The following LPIN1 variants were observed in gnomAD, a reference collection of about 807,000 sequenced individuals.
The protein encoded by LPIN1 is lipin 1.
LPIN1 carries 71 observed loss-of-function variants against 107.5 expected under a neutral mutation model. The observed-to-expected ratio is 0.66, with a 90% CI of 0.55 to 0.80. The LOEUF is 0.80. Ranked by LOEUF, LPIN1 falls within the 30% of genes least tolerant of loss-of-function variation. The pLI, the probability that LPIN1 is intolerant of heterozygous loss-of-function variation, is 0.00. For synonymous variants in LPIN1, 445 were observed against 452.6 expected (o/e 0.98, Z 0.21); for missense variants, 1,043 against 1,160.6 (o/e 0.90, Z 1.47).
At chr2:11,782,596 A>G in intron 8 of LPIN1, 89 bp downstream of exon 8, 11 of 1,453,396 alleles carry the variant, frequency 7.6e-6, no homozygotes, top group Non-Finnish European at 1.1e-5. Flanking sequence ...GTTCCAAGGA[A>G]ACTGAGGTAG....
chr2:11,784,769 GAT>G (rs1310137820), intron 9 of LPIN1, 115 bp from the exon 10 acceptor site: 7 of 904,940 alleles, frequency 7.7e-6, no homozygotes, highest in Non-Finnish European at 1.3e-5. Flanking sequence ...TCTGTGCTGA[GAT>G]GCAGCCGTCT....
In LPIN1 at chr2:11,680,277, G is replaced by A. The variant is rs184988282; in HGVS notation, c.81+2549G>A. Among the ~76,000 whole-genome samples the A allele has an allele frequency of 2.6e-3, 402 of 152,266 alleles. 10 individuals carry two copies. Among genetic ancestry groups the A allele is most frequent in the Non-Finnish European group, 8.4e-4 (57 of 68,012 alleles). On this transcript the variant is annotated intron_variant, in intron 1 of 21. Transcript: ENST00000449576. ...TGGGGCTGGAAAATGGCAGCTGGCA[G>A]CAGCGTGAGCCCTCGGAGGCACCTG...
At chr2:11,754,150 G>A (rs1429067359) in intron 1 of LPIN1, among the ~76,000 whole-genome samples, 1 of 152,180 alleles carries the variant, frequency 6.6e-6, no homozygotes, top group East Asian at 1.9e-4. Flanking sequence ...ATGATCCGTT[G>A]GCCCCACGAG....
chr2:11,791,103 T>C (rs1388626305), intron 12 of LPIN1, among the ~76,000 whole-genome samples: 1 of 152,202 alleles, frequency 6.6e-6, no homozygotes, highest in African/African-American at 2.4e-5. Context: ...TTTAGTGCAG[T>C]TGGGTTTTCT....
chr2:11,801,023 T>A (rs371644704), intron 14 of LPIN1, among the ~76,000 whole-genome samples: 39 of 152,288 alleles, frequency 2.6e-4, no homozygotes, highest in South Asian at 1.5e-3. Context: ...ACATCACTAA[T>A]CAGGAAAGTG....
intron 1 of LPIN1, among the ~76,000 whole-genome samples, chr2:11,686,303 C>T (rs920542034): frequency 5.3e-5 from 8 of 152,104 alleles, no homozygotes; most frequent in Admixed American, 2.0e-4. Context: ...CTGGGCTGTC[C>T]CTTTGAGAAA....
intron 6 of LPIN1, chr2:11,777,467 G>A (rs1348645370): frequency 6.6e-6 from 1 of 152,236 alleles, no homozygotes; most frequent in Non-Finnish European, 1.5e-5. Flanking sequence ...GAACTCTGGA[G>A]TTGGGAATTG....
intron 14 of LPIN1, among the ~76,000 whole-genome samples, chr2:11,802,068 T>C (rs1677846817): frequency 6.6e-6 from 1 of 152,174 alleles, no homozygotes; most frequent in Non-Finnish European, 1.5e-5. Flanking sequence ...TGGGGGCCAC[T>C]CAGCCTTTTC....
chr2:11,788,242 G>A (rs887738487), intron 11 of LPIN1, 145 bp from the exon 12 acceptor site: 1 of 663,394 alleles, frequency 1.5e-6, no homozygotes, highest in Non-Finnish European at 2.8e-6. Flanking sequence ...GTGATATGGA[G>A]GAGGGCTGGG....
chr2:11,763,987 G>GTA (rs1162699730), intron 1 of LPIN1, among the ~76,000 whole-genome samples: 3,773 of 132,838 alleles, frequency 0.028, 125 homozygotes, highest in African/African-American at 0.093. Context: ...GTGTGTGTGT[G>GTA]TATATATATA....
At chr2:11,702,175 C>T (rs1033793302) in intron 1 of LPIN1, among the ~76,000 whole-genome samples, 10 of 152,062 alleles carry the variant, frequency 6.6e-5, no homozygotes, top group African/African-American at 1.7e-4. Flanking sequence ...GGGTTGGTCA[C>T]GAGGCAGAGA....
intron 6 of LPIN1, among the ~76,000 whole-genome samples, chr2:11,776,789 T>G (rs1427551352): frequency 6.6e-6 from 1 of 152,226 alleles, no homozygotes; most frequent in Admixed American, 6.5e-5. Context: ...GATTTCTGCC[T>G]TCATTCCCTC....
At chr2:11,806,017 C>T (rs1482779800) in intron 17 of LPIN1, among the ~76,000 whole-genome samples, 9 of 152,192 alleles carry the variant, frequency 5.9e-5, no homozygotes, top group Non-Finnish European at 1.2e-4. Flanking sequence ...CCACAGCATT[C>T]TGTTCTCCAG....
chr2:11,795,610 G>C, intron 14 of LPIN1, 123 bp downstream of exon 14: 1 of 919,072 alleles, frequency 1.1e-6, no homozygotes, highest in Non-Finnish European at 1.8e-6. Flanking sequence ...TGATTCACTT[G>C]GTGACCTGGA....
In LPIN1 at chr2:11,824,876, A is replaced by C; in HGVS notation, c.*85A>C. On this transcript the variant is annotated 3_prime_UTR_variant, in exon 21 of 21. Transcript: ENST00000674199. Reference sequence around the variant, plus strand: ...AGGTCTCCCCGGAGTGCACAGCTCCACCTGGGAGCCTGGCGCGTCATCATT... The same window carrying C: ...AGGTCTCCCCGGAGTGCACAGCTCCCCCTGGGAGCCTGGCGCGTCATCATT... The C allele has an allele frequency of 6.7e-7, 1 of 1,488,168 alleles. No homozygotes were observed. 92.2% of individuals were successfully genotyped at this position (1,488,168 alleles called of 1,614,324 possible).
intron 2 of LPIN1, among the ~76,000 whole-genome samples, chr2:11,715,384 G>C (rs1333886752): frequency 1.3e-5 from 2 of 152,194 alleles, no homozygotes; most frequent in Non-Finnish European, 2.9e-5. Flanking sequence ...CAGGACGGGA[G>C]GCGCCAAGCA....
Position 11,774,058 on chromosome 2 carries a change from A to G in LPIN1, c.722+313A>G, listed in dbSNP as rs1672292487. On this transcript the variant is annotated intron_variant, in intron 5 of 20. Coordinates refer to ENST00000674199, the MANE Select transcript of LPIN1 (RefSeq NM_001349206.2). This position sits in a 1 kb window ranked among gnomAD's most constrained non-coding sequence, Gnocchi z 4.4. ...AAACACAGTGGCAGAGCCTTTCTTG[A>G]TACTTAGCCCTAAGTAAAATTCAAA... is the stretch of plus-strand genomic sequence containing the variant. Among the ~76,000 whole-genome samples the G allele has an allele frequency of 6.6e-6, 1 of 152,220 alleles. No individual in the cohort carries two copies. The highest frequency in any genetic ancestry group is 1.5e-5 in the Non-Finnish European group (1 of 68,030).
intron 12 of LPIN1, among the ~76,000 whole-genome samples, chr2:11,791,045 A>T (rs975056543): frequency 6.6e-6 from 1 of 152,138 alleles, no homozygotes; most frequent in African/African-American, 2.4e-5. Flanking sequence ...GGTCATTCAC[A>T]GCTTTGTCAA....
Position 11,759,895 on chromosome 2 carries a change from C to T in LPIN1, c.-9-5638C>T, listed in dbSNP as rs1385666055. 1.0e-3 allele frequency among the ~76,000 whole-genome samples: 155 copies of T among 151,692 alleles called. 1 individual carries two copies. The highest frequency in any genetic ancestry group is 2.9e-3 in the South Asian group (14 of 4,808). ...CCTCCCTCCCGGACGGGGTGGCTGC[C>T]GGGCGGAGACGCTCCTCACTTCCCA... On this transcript the variant is annotated intron_variant, in intron 1 of 20. Transcript: ENST00000674199.
Sources: gnomAD v4.1 joint callset for allele counts (sites outside exome capture counted in the v4.1 genomes callset) on GRCh38, gnomAD v4.1.1 for gene constraint, Gnocchi (gnomAD v3.1) non-coding constraint, MANE v1.5 for transcripts, NCBI Gene and HGNC (gene_info 2026-07-23, HGNC 2026-07-21) for gene names.